The following GALNT5 variants were observed in gnomAD, a reference collection of about 807,000 sequenced individuals.
GALNT5 encodes the protein polypeptide N-acetylgalactosaminyltransferase 5.
A neutral mutation model predicts 85.4 loss-of-function variants in GALNT5; 72 were observed. That is an observed-to-expected ratio of 0.84 (90% CI 0.70 to 1.03). The LOEUF is 1.03. GALNT5 is among the 50% of genes least tolerant of loss of function. The pLI, the probability that GALNT5 is intolerant of heterozygous loss-of-function variation, is 0.00. For synonymous variants in GALNT5, 404 were observed against 397.0 expected (o/e 1.02, Z -0.21); for missense variants, 1,137 against 1,135.5 (o/e 1.00, Z -0.02).
intron 1 of GALNT5, among the ~76,000 whole-genome samples, chr2:157,271,444 G>A (rs1389150962): frequency 6.6e-6 from 1 of 152,206 alleles, no homozygotes; most frequent in Non-Finnish European, 1.5e-5. Context: ...ACAAACTGTG[G>A]AAGTAGTGTC....
At chr2:157,305,591 G>A (rs1369926710) in intron 7 of GALNT5, among the ~76,000 whole-genome samples, 158 bp from the exon 8 acceptor site, 13 of 152,220 alleles carry the variant, frequency 8.5e-5, no homozygotes, top group Admixed American at 8.5e-4. Context: ...GTCTCTGTTA[G>A]AGATAGCAAC....
intron 3 of GALNT5, among the ~76,000 whole-genome samples, chr2:157,292,208 C>A (rs1320644310): frequency 6.6e-6 from 1 of 152,162 alleles, no homozygotes; most frequent in East Asian, 1.9e-4. Context: ...TTGTATGTAA[C>A]TTTAATGCTA....
At chr2:157,262,512 C>G (rs901816644) in intron 1 of GALNT5, among the ~76,000 whole-genome samples, 2 of 151,780 alleles carry the variant, frequency 1.3e-5, no homozygotes, top group Non-Finnish European at 2.9e-5. Context: ...GTGGTGCATG[C>G]CTGTAGTCTC....
At chr2:157,299,687 C>T in intron 6 of GALNT5, 22 bp downstream of exon 6, 2 of 1,268,060 alleles carry the variant, frequency 1.6e-6, no homozygotes, top group Non-Finnish European at 2.3e-6. Context: ...TGTTTCCCAA[C>T]TTTTCTTTAC....
chr2:157,308,631 TC>T lies in GALNT5; in HGVS notation c.2588del (p.Pro863LeufsTer6). On this transcript the variant is annotated frameshift_variant, in exon 9 of 10. Coordinates refer to ENST00000259056, the MANE Select transcript of GALNT5 (RefSeq NM_014568.3). LOFTEE classifies it high-confidence loss of function. ...TGTGGAGAATGGTGTATAGCCCCCA[TC>T]CCTGATAAAGGAGCCGTAAGGCTGC... ...IKCGEWCIAP[I>X]PDKGAVRLHP... 1 of 1,613,564 alleles carries T rather than the reference TC, an allele frequency of 6.2e-7. No homozygotes were observed. The highest frequency in any genetic ancestry group is 8.5e-7 in the Non-Finnish European group (1 of 1,179,526).
Position 157,311,228 on chromosome 2 carries a change from A to C in GALNT5, c.2703A>C (p.Glu901Asp). 1.2e-6 allele frequency: 2 copies of C among 1,611,156 alleles called. No homozygotes were observed. The highest frequency in any genetic ancestry group is 1.7e-6 in the Non-Finnish European group (2 of 1,178,168). The change falls in exon 10 of 10, where the codon GAA becomes GAC. Residue 901 changes from glutamate (E) to aspartate (D), a missense_variant. Physicochemically the swap from Glu to Asp is conservative, Grantham distance 45. Coordinates refer to ENST00000259056, the MANE Select transcript of GALNT5 (RefSeq NM_014568.3). ...HPELVNHIVF[E>D]NNQQLLCLEG... Reference sequence around the variant, plus strand: ...TCCAGGTGAATCACATTGTTTTTGAAAACAATCAGCAATTATTATGCTTGG... The same window carrying C: ...TCCAGGTGAATCACATTGTTTTTGACAACAATCAGCAATTATTATGCTTGG...
intron 9 of GALNT5, 147 bp downstream of exon 9, chr2:157,308,875 A>G (rs1250932780): frequency 1.3e-5 from 7 of 542,696 alleles, no homozygotes; most frequent in Non-Finnish European, 2.2e-5. Flanking sequence ...ACAGAGATGC[A>G]TGGATATCTT....
Position 157,288,709 on chromosome 2 carries a change from G to A in GALNT5, c.1741+2575G>A, listed in dbSNP as rs529170673. Among the ~76,000 whole-genome samples the A allele has an allele frequency of 1.1e-4, 17 of 152,266 alleles. No individual in the cohort carries two copies. In the South Asian group the frequency reaches 2.5e-3, roughly 22 times the overall value. The stretch of plus-strand genomic sequence containing the variant: ...CCAATGAAGAATATTAAATAGGAAC[G>A]AAACTGTCTGATGTACATTTTGAAA... On this transcript the variant is annotated intron_variant, in intron 3 of 9. Transcript: ENST00000259056.
Position 157,258,461 on chromosome 2 carries a change from T to C in GALNT5, c.379T>C (p.Trp127Arg), listed in dbSNP as rs1682244218. ...GGGAAGGGGCAAGGTTGTGCCGTTG[T>C]GGCATCCTGCACATCTGCAGACCCT... ...ALGRGKVVPL[W>R]HPAHLQTLPV... The change falls in exon 1 of 10, where the codon TGG (tryptophan) becomes CGG (arginine). Residue 127 changes from tryptophan (W) to arginine (R), a missense_variant. Physicochemically the swap from Trp to Arg is moderately radical, Grantham distance 101. Coordinates refer to ENST00000259056, the MANE Select transcript of GALNT5 (RefSeq NM_014568.3). The C allele has an allele frequency of 6.2e-7, 1 of 1,605,848 alleles. No homozygotes were observed. Among genetic ancestry groups the C allele is most frequent in the Non-Finnish European group, 8.5e-7 (1 of 1,177,170 alleles).
At chr2:157,288,251 T>C (rs1683019326) in intron 3 of GALNT5, among the ~76,000 whole-genome samples, 1 of 152,232 alleles carries the variant, frequency 6.6e-6, no homozygotes, top group Admixed American at 6.5e-5. Context: ...GTCTTCTCTT[T>C]GTAGAGGAAA....
At chr2:157,276,965 A>G (rs943435852) in intron 1 of GALNT5, among the ~76,000 whole-genome samples, 4 of 152,150 alleles carry the variant, frequency 2.6e-5, no homozygotes, top group Non-Finnish European at 5.9e-5. Flanking sequence ...ATTTAGTGCT[A>G]TAAATTTCCC....
intron 1 of GALNT5, among the ~76,000 whole-genome samples, chr2:157,279,943 C>T (rs138629273): frequency 0.012 from 1,762 of 152,242 alleles, 35 homozygotes; most frequent in African/African-American, 0.04. Context: ...CCTATTTGGC[C>T]ATCTTGGAAC....
rs192786083 is a variant in GALNT5, at chr2:157,318,094, A to G, written c.*6746A>G. Among the ~76,000 whole-genome samples, 1 of 152,200 alleles carries G rather than the reference A, an allele frequency of 6.6e-6. No individual in the cohort carries two copies. The highest frequency in any genetic ancestry group is 1.9e-4 in the East Asian group (1 of 5,170). On this transcript the variant is annotated 3_prime_UTR_variant, in exon 10 of 10. Coordinates refer to ENST00000259056, the MANE Select transcript of GALNT5 (RefSeq NM_014568.3). ...TTTAAGAGAAGTGGTTGCCTTTCTC[A>G]TACTGTCAAACATATTTCTTCTTTA...
intron 8 of GALNT5, among the ~76,000 whole-genome samples, chr2:157,308,311 C>T (rs1328748798): frequency 6.6e-6 from 1 of 152,196 alleles, no homozygotes; most frequent in African/African-American, 2.4e-5. Flanking sequence ...GTGTGCTAAA[C>T]ACTTGACAGT....
intron 1 of GALNT5, among the ~76,000 whole-genome samples, chr2:157,283,703 A>G (rs1011429341): frequency 6.6e-6 from 1 of 152,198 alleles, no homozygotes; most frequent in Non-Finnish European, 1.5e-5. Context: ...GGAACATTAA[A>G]TAAGTCAGAA....
chr2:157,303,519 G>A (rs576504272), intron 7 of GALNT5, among the ~76,000 whole-genome samples: 18 of 151,862 alleles, frequency 1.2e-4, no homozygotes, highest in African/African-American at 4.1e-4. Flanking sequence ...AGATTAAAAT[G>A]GTTTACAGTA....
At chr2:157,286,231 C>T (rs1002552877) in intron 3 of GALNT5, 97 bp downstream of exon 3, 3 of 909,986 alleles carry the variant, frequency 3.3e-6, no homozygotes, top group Non-Finnish European at 5.2e-6. Context: ...CACAATGATG[C>T]CTATATATGC....
intron 3 of GALNT5, among the ~76,000 whole-genome samples, chr2:157,291,633 A>C (rs116114842): frequency 0.033 from 3,840 of 116,320 alleles, no homozygotes; most frequent in Non-Finnish European, 0.041. Flanking sequence ...GTTACCACCC[A>C]CCCCCCCCCA....
At chr2:157,299,499 C>T (rs750820041) in intron 5 of GALNT5, 49 bp from the exon 6 acceptor site, 5 of 1,075,726 alleles carry the variant, frequency 4.6e-6, no homozygotes, top group Non-Finnish European at 7.2e-6. Context: ...CTCTAAAAGT[C>T]GAGCTTTCAT....
Sources: gnomAD v4.1 joint callset for allele counts (sites outside exome capture counted in the v4.1 genomes callset) on GRCh38, gnomAD v4.1.1 for gene constraint, MANE v1.5 for transcripts, NCBI Gene and HGNC (gene_info 2026-07-23, HGNC 2026-07-21) for gene names.